SH3BP4: variants seen among roughly 807,000 people sequenced by gnomAD.
The protein encoded by SH3BP4 is SH3 domain binding protein 4, also known as SH3 domain-binding protein 4.
A neutral mutation model predicts 65.5 loss-of-function variants in SH3BP4; 33 were observed. The ratio of observed to expected loss-of-function variants is 0.50; its 90% CI spans 0.38 to 0.67. The LOEUF (loss-of-function observed/expected upper bound fraction) is 0.67. Among genes scored for constraint, SH3BP4 ranks in the 30% least tolerant of loss-of-function variants. The pLI is 0.00. For synonymous variants in SH3BP4, 552 were observed against 545.5 expected (o/e 1.01, Z -0.17); for missense variants, 1,134 against 1,261.4 (o/e 0.90, Z 1.53).
At position 234,997,080 on chromosome 2, in the gene SH3BP4, A is replaced by G. The variant is rs1305867961; in HGVS notation, c.-133+1704A>G. ...CAGGCTTCCGGGAGCCCGGTGAGGGAGGTGCACCCAGACTTGCCCTGGATA... is the reference window on the plus strand; with the variant it reads ...CAGGCTTCCGGGAGCCCGGTGAGGGGGGTGCACCCAGACTTGCCCTGGATA... On this transcript the variant is annotated intron_variant, in intron 2 of 5. Coordinates refer to ENST00000392011, the MANE Select transcript of SH3BP4 (RefSeq NM_014521.3). The surrounding 1 kb of genome is among the most constrained non-coding windows in gnomAD (Gnocchi z 4.2). Among the ~76,000 whole-genome samples, 9 of 152,068 alleles carry G rather than the reference A, an allele frequency of 5.9e-5. No homozygotes were observed. Among genetic ancestry groups the G allele is most frequent in the African/African-American group, 1.9e-4 (8 of 41,404 alleles).
At chr2:235,011,251 A>C (rs1694495411) in intron 2 of SH3BP4, among the ~76,000 whole-genome samples, 1 of 151,606 alleles carries the variant, frequency 6.6e-6, no homozygotes, top group Non-Finnish European at 1.5e-5. Flanking sequence ...TCTCTCTCCT[A>C]GCTTCTGGTG....
rs1371422770 is a variant in SH3BP4 at position 235,041,193 on chromosome 2, C to T, written c.424C>T (p.Leu142Phe). The change falls in exon 4 of 6, where the codon CTC (leucine) becomes TTC (phenylalanine). Residue 142 changes from leucine to phenylalanine, a missense_variant. Transcript: ENST00000392011. The surrounding 1 kb of genome is among the most constrained non-coding windows in gnomAD (Gnocchi z 6.0). Reference protein sequence around the residue: ...PDEVAKELELLGGWTDDKKVP... With the variant: ...PDEVAKELELFGGWTDDKKVP... ...CGAGGTAGCCAAGGAGCTGGAGCTG[C>T]TCGGGGGATGGACAGATGACAAAAA... The T allele has an allele frequency of 6.2e-7, 1 of 1,614,156 alleles. No homozygotes were observed. Among genetic ancestry groups the T allele is most frequent in the Admixed American group, 1.7e-5 (1 of 60,024 alleles).
Position 235,045,272 on chromosome 2 carries a change from G to A in SH3BP4, c.2478+2025G>A, listed in dbSNP as rs1018206077. Among the ~76,000 whole-genome samples, 8 of 152,156 alleles carry A rather than the reference G, an allele frequency of 5.3e-5. No individual in the cohort carries two copies. Among genetic ancestry groups the A allele is most frequent in the Non-Finnish European group, 1.0e-4 (7 of 68,040 alleles). On this transcript the variant is annotated intron_variant, in intron 4 of 5. Transcript: ENST00000392011. This position sits in a 1 kb window ranked among gnomAD's most constrained non-coding sequence, Gnocchi z 4.3. Reference sequence around the variant, plus strand: ...TTGCTGAGCCCAGGACACTCACCTCGACGTTGCACCAGAGGTGGAAAAATG... The same window carrying A: ...TTGCTGAGCCCAGGACACTCACCTCAACGTTGCACCAGAGGTGGAAAAATG...
rs2106235603 is a variant in SH3BP4, at chr2:234,952,920, G to C, written c.-207+750G>C. The C allele has an allele frequency of 6.6e-6, 1 of 152,240 alleles. No homozygotes were observed. Among genetic ancestry groups the C allele is most frequent in the South Asian group, 2.1e-4 (1 of 4,814 alleles). The allele number at this position is 152,240 out of a possible 1,614,324, so 9.4% of individuals were successfully genotyped here. A position where few individuals can be genotyped will look rare whatever the true frequency, so the allele number is the denominator to read the frequency against. On this transcript the variant is annotated intron_variant, in intron 1 of 5. Transcript: ENST00000392011. This position sits in a 1 kb window ranked among gnomAD's most constrained non-coding sequence, Gnocchi z 6.5. The stretch of plus-strand genomic sequence containing the variant: ...TGGGACCCCAACCCTGGGTCCCGCG[G>C]CTCCTAGCCCGGGGCCTGCGGTGTA...
chr2:234,989,456 T>C (rs1370521431), intron 1 of SH3BP4, among the ~76,000 whole-genome samples: 1 of 152,216 alleles, frequency 6.6e-6, no homozygotes, highest in African/African-American at 2.4e-5. Flanking sequence ...CATGCAGCCA[T>C]GTACCCGGGT....
At chr2:235,032,583 T>G (rs1695239304) in intron 2 of SH3BP4, among the ~76,000 whole-genome samples, 1 of 152,122 alleles carries the variant, frequency 6.6e-6, no homozygotes, top group South Asian at 2.1e-4. Context: ...CCCTTGCATT[T>G]CGGGGCTGCC....
chr2:235,038,303 A>ATAT (rs1553567336), intron 3 of SH3BP4, among the ~76,000 whole-genome samples: 320 of 11,504 alleles, frequency 0.028, 4 homozygotes, highest in African/African-American at 0.067. Flanking sequence ...TATATATTAT[A>ATAT]TATATATATT....
intron 2 of SH3BP4, among the ~76,000 whole-genome samples, chr2:235,014,010 G>C (rs1182079329): frequency 6.6e-6 from 1 of 151,818 alleles, no homozygotes; most frequent in Non-Finnish European, 1.5e-5. Flanking sequence ...TGTGTATTAT[G>C]TACTATTGTT....
In SH3BP4 at chr2:235,042,581, T is replaced by C; in HGVS notation, c.1812T>C (p.Phe604=). 1 of 1,614,024 alleles carries C rather than the reference T, an allele frequency of 6.2e-7. No homozygotes were observed. The highest frequency in any genetic ancestry group is 8.5e-7 in the Non-Finnish European group (1 of 1,180,006). Residue 604 remains phenylalanine, a synonymous_variant, in exon 4 of 6, where the codon TTT becomes TTC. Transcript: ENST00000392011. The surrounding 1 kb of genome is among the most constrained non-coding windows in gnomAD (Gnocchi z 7.3). Reference sequence around the variant, plus strand: ...ACCAGGAGGCCATCCTCACCCAGTTTTGTGTCCAGACTCCTCAGCCACCCC... The same window carrying C: ...ACCAGGAGGCCATCCTCACCCAGTTCTGTGTCCAGACTCCTCAGCCACCCC... The part of the protein sequence containing the change: ...KDDQEAILTQ[F]CVQTPQPPPK...
At chr2:234,958,930 G>T (rs1692646796) in intron 1 of SH3BP4, among the ~76,000 whole-genome samples, 1 of 152,120 alleles carries the variant, frequency 6.6e-6, no homozygotes, top group South Asian at 2.1e-4. Flanking sequence ...TTGGGTCAGA[G>T]GGACTGGGAT....
At chr2:234,959,021 G>A (rs540431342) in intron 1 of SH3BP4, among the ~76,000 whole-genome samples, 2 of 152,216 alleles carry the variant, frequency 1.3e-5, no homozygotes, top group South Asian at 4.2e-4. Context: ...AGCATTGGGT[G>A]TGAATAGCTG....
chr2:234,985,202 G>T (rs1693508783), intron 1 of SH3BP4, among the ~76,000 whole-genome samples: 1 of 151,984 alleles, frequency 6.6e-6, no homozygotes, highest in Non-Finnish European at 1.5e-5. Context: ...ATCTACTATA[G>T]CTGGCCTTCA....
intron 1 of SH3BP4, chr2:234,995,077 G>T (rs920867893): frequency 1.3e-5 from 2 of 152,340 alleles, no homozygotes; most frequent in Middle Eastern, 3.2e-3. Flanking sequence ...AGACAGTTCT[G>T]GGTGGCCCCC....
chr2:235,011,697 C>A (rs1164714045), intron 2 of SH3BP4, among the ~76,000 whole-genome samples: 1 of 152,228 alleles, frequency 6.6e-6, no homozygotes, highest in Non-Finnish European at 1.5e-5. Flanking sequence ...GAATGTCCTT[C>A]CTCTCGACTT....
chr2:235,026,256 G>A lies in SH3BP4; in HGVS notation c.-132-8615G>A, dbSNP rs1289022561. The stretch of plus-strand genomic sequence containing the variant: ...TGTCGGGGGATCCCCAGCCTCAGAT[G>A]TTCTCAGTCTGGCCAGTGAAAACAT... On this transcript the variant is annotated intron_variant, in intron 2 of 5. Transcript: ENST00000392011. The surrounding 1 kb of genome is among the most constrained non-coding windows in gnomAD (Gnocchi z 4.6). Among the ~76,000 whole-genome samples the A allele has an allele frequency of 6.6e-6, 1 of 152,168 alleles. No individual in the cohort carries two copies. The highest frequency in any genetic ancestry group is 1.9e-4 in the East Asian group (1 of 5,184).
In SH3BP4 at chr2:235,052,259, A is replaced by G. The variant is rs1425872829; in HGVS notation, c.2479-303A>G. Among the ~76,000 whole-genome samples, 1 of 151,952 alleles carries G rather than the reference A, an allele frequency of 6.6e-6. No homozygotes were observed. Among genetic ancestry groups the G allele is most frequent in the African/African-American group, 2.4e-5 (1 of 41,384 alleles). ...TCCTTGGTGACTTCCTCTAATCCAG[A>G]GGGACCTCATCTTAATTCTATCTGC... On this transcript the variant is annotated intron_variant, in intron 4 of 5. Transcript: ENST00000392011. The surrounding 1 kb of genome is among the most constrained non-coding windows in gnomAD (Gnocchi z 5.0).
chr2:235,039,886 C>CATTT (rs1177788912), intron 3 of SH3BP4, among the ~76,000 whole-genome samples: 1 of 152,194 alleles, frequency 6.6e-6, no homozygotes, highest in Non-Finnish European at 1.5e-5. Context: ...CATAATCTCT[C>CATTT]ATTTTCAAGG....
At chr2:235,031,685 C>T (rs995380596) in intron 2 of SH3BP4, among the ~76,000 whole-genome samples, 1 of 152,224 alleles carries the variant, frequency 6.6e-6, no homozygotes, top group African/African-American at 2.4e-5. Context: ...TGTTCTTAGG[C>T]CTTCCACAGG....
intron 2 of SH3BP4, among the ~76,000 whole-genome samples, chr2:235,014,360 C>T (rs1358003804): frequency 6.6e-6 from 1 of 152,178 alleles, no homozygotes; most frequent in Non-Finnish European, 1.5e-5. Flanking sequence ...CTCTTGGAGT[C>T]TGCATTGTGT....
Sources: allele counts gnomAD v4.1 joint callset (sites outside exome capture counted in the v4.1 genomes callset), GRCh38; gene constraint gnomAD v4.1.1; non-coding constraint Gnocchi (gnomAD v3.1); transcripts MANE v1.5; gene names NCBI Gene and HGNC (gene_info 2026-07-23, HGNC 2026-07-21).